The following SHTN1 variants were observed in gnomAD, a reference collection of about 807,000 sequenced individuals.
SHTN1 encodes shootin-1.
A neutral mutation model predicts 83.1 loss-of-function variants in SHTN1; 42 were observed. The ratio of observed to expected loss-of-function variants is 0.51; its 90% confidence interval spans 0.39 to 0.65. The LOEUF (loss-of-function observed/expected upper bound fraction) is 0.65, where lower values mean the gene tolerates loss of function less well. Among genes scored for constraint, SHTN1 ranks in the 30% least tolerant of loss-of-function variants. The pLI is 0.00. For missense variants in SHTN1, 622 were observed against 737.8 expected, an observed-to-expected ratio of 0.84 and a Z score of 1.82; for synonymous variants, 224 against 247.7, an observed-to-expected ratio of 0.90 and a Z score of 0.90.
intron 1 of SHTN1, among the ~76,000 whole-genome samples, chr10:117,064,483 G>A (rs771422821): frequency 2.0e-5 from 3 of 151,968 alleles, no homozygotes; most frequent in Admixed American, 6.6e-5. Context: ...GTGAAACTCC[G>A]TCTCTACTAA....
At chr10:116,990,031 A>G in intron 1 of SHTN1, among the ~76,000 whole-genome samples, 1 of 152,152 alleles carries the variant, frequency 6.6e-6, no homozygotes, top group East Asian at 1.9e-4. Context: ...GGAAAAGATA[A>G]TTCTTACAAA....
intron 12 of SHTN1, 97 bp downstream of exon 12, chr10:116,921,337 C>G (rs1848556897): frequency 1.2e-6 from 1 of 819,980 alleles, no homozygotes; most frequent in Non-Finnish European, 2.0e-6. Flanking sequence ...TACTACTCTC[C>G]CAACAACATG....
chr10:117,062,554 T>C (rs1273116408), intron 1 of SHTN1, among the ~76,000 whole-genome samples: 1 of 152,212 alleles, frequency 6.6e-6, no homozygotes, highest in East Asian at 1.9e-4. Flanking sequence ...AGGCCATTTA[T>C]CAGGTTACCT....
intron 1 of SHTN1, among the ~76,000 whole-genome samples, chr10:116,994,367 T>G (rs1179285016): frequency 6.6e-6 from 1 of 152,138 alleles, no homozygotes; most frequent in Non-Finnish European, 1.5e-5. Flanking sequence ...ATTAATTTAT[T>G]ACGAGATTTA....
intron 3 of SHTN1, chr10:116,960,479 G>A (rs1262244627): frequency 1.1e-5 from 4 of 367,042 alleles, no homozygotes; most frequent in Non-Finnish European, 2.0e-5. Flanking sequence ...TACATTTTAA[G>A]AGCGCTATTT....
At chr10:116,910,958 TTA>T (rs1848167580) in intron 14 of SHTN1, among the ~76,000 whole-genome samples, 1 of 152,214 alleles carries the variant, frequency 6.6e-6, no homozygotes, top group Non-Finnish European at 1.5e-5. Flanking sequence ...ATAATCTTGT[TTA>T]CCACAATTAT....
intron 1 of SHTN1, among the ~76,000 whole-genome samples, chr10:117,102,263 T>G (rs1291064685): frequency 6.6e-6 from 1 of 152,174 alleles, no homozygotes; most frequent in African/African-American, 2.4e-5. Context: ...AGCTATCCTT[T>G]AGACTCCTGC....
At chr10:116,947,851 T>C (rs1167735627) in intron 7 of SHTN1, among the ~76,000 whole-genome samples, 2 of 152,082 alleles carry the variant, frequency 1.3e-5, no homozygotes, top group African/African-American at 4.8e-5. Context: ...AGACTGAAAA[T>C]TCTACACCAT....
chr10:117,119,171 A>G (rs1215810171), intron 1 of SHTN1, among the ~76,000 whole-genome samples: 1 of 152,170 alleles, frequency 6.6e-6, no homozygotes, highest in East Asian at 1.9e-4. Flanking sequence ...ACCAGAGGTT[A>G]AGAAGGATAG....
In SHTN1 at chr10:116,951,082, G is replaced by A. The variant is rs148484876; in HGVS notation, c.534+827C>T. Among the ~76,000 whole-genome samples the A allele has an allele frequency of 5.7e-4, 87 of 152,248 alleles. No homozygotes were observed. The East Asian group carries it at 0.014, about 25-fold the overall frequency. On this transcript the variant is annotated intron_variant, in intron 6 of 16. Coordinates refer to ENST00000355371, the MANE Select transcript of SHTN1 (RefSeq NM_001127211.3). ...TGTGAAGGCAAATCCTTGAAGCCTC[G>A]TGCAAATAAAAGGCAATTGTGAGGG...
intron 1 of SHTN1, among the ~76,000 whole-genome samples, chr10:117,099,009 T>TACAC (rs371738555): frequency 0.054 from 7,676 of 140,984 alleles, 242 homozygotes; most frequent in African/African-American, 0.079. Context: ...GTGGTATGTA[T>TACAC]ACACACACAC....
intron 3 of SHTN1, among the ~76,000 whole-genome samples, chr10:116,965,967 C>T (rs1850376116): frequency 6.6e-6 from 1 of 152,204 alleles, no homozygotes; most frequent in Admixed American, 6.5e-5. Context: ...ATACAGTTTT[C>T]TGACAAATAT....
At chr10:117,062,757 T>C (rs1391137100) in intron 1 of SHTN1, among the ~76,000 whole-genome samples, 1 of 152,190 alleles carries the variant, frequency 6.6e-6, no homozygotes, top group Non-Finnish European at 1.5e-5. Context: ...GGGAAGCTCT[T>C]TGTGGGTCTT....
At chr10:117,018,567 CAT>C (rs762460071) in intron 2 of SHTN1, among the ~76,000 whole-genome samples, 16 of 135,798 alleles carry the variant, frequency 1.2e-4, no homozygotes, top group Non-Finnish European at 1.9e-4. Flanking sequence ...CTGCTCTCAC[CAT>C]TTTTTTTTTT....
intron 1 of SHTN1, chr10:117,048,530 T>G: frequency 1.1e-6 from 1 of 951,874 alleles, no homozygotes; most frequent in Non-Finnish European, 1.3e-6. Context: ...ATTAAACACT[T>G]AGCATGGCAT....
chr10:116,982,801 A>C (rs1851073544), intron 1 of SHTN1, among the ~76,000 whole-genome samples: 2 of 152,140 alleles, frequency 1.3e-5, no homozygotes, highest in Non-Finnish European at 2.9e-5. Flanking sequence ...TCTTCTAAAA[A>C]TACAAAAAAA....
At position 116,884,050 on chromosome 10, in the gene SHTN1, C is replaced by G. The variant is rs1379306356; in HGVS notation, c.*2294G>C. 3.2e-6 allele frequency: 1 copy of G among 311,626 alleles called. No homozygotes were observed. The highest frequency in any genetic ancestry group is 6.5e-6 in the Non-Finnish European group (1 of 153,392). The allele number at this position is 311,626 out of a possible 1,614,324, so 19.3% of individuals were successfully genotyped here. On this transcript the variant is annotated 3_prime_UTR_variant, in exon 17 of 17. Transcript: ENST00000355371. ...AAGAAAAAAAATCCTCTATAGCGCACAAGACTTAATTTATCTTTCCCAAAC... is the reference window on the plus strand; with the variant it reads ...AAGAAAAAAAATCCTCTATAGCGCAGAAGACTTAATTTATCTTTCCCAAAC...
intron 15 of SHTN1, among the ~76,000 whole-genome samples, chr10:116,904,847 T>C (rs1413344675): frequency 6.6e-6 from 1 of 152,152 alleles, no homozygotes; most frequent in Non-Finnish European, 1.5e-5. Context: ...AAAAAGCCAG[T>C]GGCAAAACAC....
chr10:117,088,092 T>C (rs945900375), intron 1 of SHTN1, among the ~76,000 whole-genome samples: 6 of 152,236 alleles, frequency 3.9e-5, no homozygotes, highest in South Asian at 2.1e-4. Context: ...TGTGAAAATA[T>C]GAATGTGCTC....
Sources: allele counts gnomAD v4.1 joint callset (sites outside exome capture counted in the v4.1 genomes callset), GRCh38; gene constraint gnomAD v4.1.1; transcripts MANE v1.5; gene names NCBI Gene and HGNC (gene_info 2026-07-23, HGNC 2026-07-21).